KMT2C: variants seen among roughly 807,000 people sequenced by gnomAD.
KMT2C encodes the protein histone-lysine N-methyltransferase 2C.
KMT2C carries 88 observed loss-of-function variants against 507.9 expected under a neutral mutation model. That is an observed-to-expected ratio of 0.17 (90% CI 0.15 to 0.21). KMT2C has a LOEUF of 0.21. KMT2C is among the 10% of genes least tolerant of loss of function. KMT2C has a pLI of 1.00. For missense variants in KMT2C, 4,954 were observed against 5,957.8 expected, an observed-to-expected ratio of 0.83 and a Z score of 5.55; for synonymous variants, 2,049 against 2,080.8, an observed-to-expected ratio of 0.98 and a Z score of 0.42.
chr7:152,153,087 G>A, intron 48 of KMT2C, 133 bp from the exon 49 acceptor site: 2 of 1,188,580 alleles, frequency 1.7e-6, no homozygotes, highest in Non-Finnish European at 2.3e-6. Flanking sequence ...ATTTTATTTA[G>A]ACTTAAAGAA....
chr7:152,311,182 T>C (rs570050148), intron 5 of KMT2C, among the ~76,000 whole-genome samples: 129 of 152,302 alleles, frequency 8.5e-4, no homozygotes, highest in Non-Finnish European at 1.4e-3. Flanking sequence ...TTTGTTGAGG[T>C]GATATACAAA....
chr7:152,267,626 C>G (rs2095879101), intron 7 of KMT2C, among the ~76,000 whole-genome samples: 1 of 152,250 alleles, frequency 6.6e-6, no homozygotes, highest in South Asian at 2.1e-4. Context: ...GTCTCGCTAA[C>G]TGCAGTATCT....
intron 43 of KMT2C, among the ~76,000 whole-genome samples, chr7:152,160,960 T>C (rs1419798377): frequency 6.6e-6 from 1 of 152,058 alleles, no homozygotes; most frequent in East Asian, 1.9e-4. Flanking sequence ...AAGAACTGCA[T>C]TTCAAAAGAT....
At chr7:152,256,611 A>C (rs2095666128) in intron 9 of KMT2C, among the ~76,000 whole-genome samples, 1 of 152,214 alleles carries the variant, frequency 6.6e-6, no homozygotes, top group Non-Finnish European at 1.5e-5. Context: ...AAGTATCTGC[A>C]TCATGTAACA....
intron 1 of KMT2C, among the ~76,000 whole-genome samples, chr7:152,364,934 G>GACAC (rs71198778): frequency 0.029 from 3,981 of 138,108 alleles, 67 homozygotes; most frequent in South Asian, 0.046. Flanking sequence ...GAAACAGACA[G>GACAC]ACACACACAC....
chr7:152,143,319 G>C (rs1440204055), intron 55 of KMT2C, among the ~76,000 whole-genome samples: 1 of 152,196 alleles, frequency 6.6e-6, no homozygotes, highest in African/African-American at 2.4e-5. Context: ...TCTAAAAATA[G>C]ACAAGAAAGA....
intron 1 of KMT2C, among the ~76,000 whole-genome samples, chr7:152,411,935 T>C (rs2097688775): frequency 6.6e-6 from 1 of 152,118 alleles, no homozygotes; most frequent in Non-Finnish European, 1.5e-5. Context: ...ATTAACCAAC[T>C]AAAATGATCT....
chr7:152,182,625 A>G, intron 35 of KMT2C, 31 bp from the exon 36 acceptor site: 1 of 1,515,092 alleles, frequency 6.6e-7, no homozygotes, highest in Non-Finnish European at 8.8e-7. Flanking sequence ...AAGCAATCAT[A>G]TTTAGGTTAA....
At chr7:152,246,525 A>G (rs73481059) in intron 14 of KMT2C, among the ~76,000 whole-genome samples, 1 of 152,098 alleles carries the variant, frequency 6.6e-6, no homozygotes, top group Admixed American at 6.5e-5. Flanking sequence ...ACAAAAGTCT[A>G]CAAGGAAGGA....
intron 23 of KMT2C, among the ~76,000 whole-genome samples, chr7:152,219,230 A>T (rs1337286044): frequency 6.6e-6 from 1 of 152,136 alleles, no homozygotes; most frequent in Admixed American, 6.6e-5. Context: ...TCGGCCTCCC[A>T]AAGTGCTGAG....
chr7:152,157,839 A>G (rs2092172533), intron 44 of KMT2C: 1 of 1,334,002 alleles, frequency 7.5e-7, no homozygotes, highest in South Asian at 1.2e-5. Context: ...GTCGATTCCC[A>G]CTATTAAATT....
chr7:152,199,472 A>G lies in KMT2C; in HGVS notation c.4093-13T>C, dbSNP rs2129133216. The G allele has an allele frequency of 2.7e-6, 4 of 1,499,842 alleles. No individual in the cohort carries two copies. In the Middle Eastern group the frequency reaches 7.1e-4, roughly 266 times the overall value. 92.9% of individuals were successfully genotyped at this position (1,499,842 alleles called of 1,614,324 possible). On this transcript the variant is annotated splice_polypyrimidine_tract_variant and intron_variant, in intron 26 of 58. Coordinates refer to ENST00000262189, the MANE Select transcript of KMT2C (RefSeq NM_170606.3). ...CAAAGAAAGCTTCCTAGATGAAGAT[A>G]AGCACATACAAAAATGGTTAGAAAA... is the stretch of plus-strand genomic sequence containing the variant.
intron 6 of KMT2C, among the ~76,000 whole-genome samples, chr7:152,284,962 C>T (rs10224793): frequency 0.34 from 50,619 of 150,482 alleles, 12,289 homozygotes; most frequent in African/African-American, 0.7. Context: ...TCTCTAGAAA[C>T]GGAGAAGTAT....
chr7:152,428,565 A>T (rs2097842792), intron 1 of KMT2C, among the ~76,000 whole-genome samples: 1 of 151,160 alleles, frequency 6.6e-6, no homozygotes, highest in Non-Finnish European at 1.5e-5. Flanking sequence ...CGGGAGGCAG[A>T]GGTTGCAGTG....
intron 2 of KMT2C, among the ~76,000 whole-genome samples, chr7:152,334,870 T>C (rs899915591): frequency 2.0e-5 from 3 of 152,186 alleles, no homozygotes; most frequent in African/African-American, 7.2e-5. Context: ...GAAGATCAAT[T>C]TGTTTTATTT....
At chr7:152,196,733 C>CA (rs1406410875) in intron 27 of KMT2C, among the ~76,000 whole-genome samples, 1 of 152,110 alleles carries the variant, frequency 6.6e-6, no homozygotes, top group African/African-American at 2.4e-5. Flanking sequence ...TTGTATTAGA[C>CA]AGAGTGGTCT....
intron 6 of KMT2C, among the ~76,000 whole-genome samples, chr7:152,278,318 T>C (rs1322022994): frequency 2.6e-5 from 4 of 152,178 alleles, no homozygotes; most frequent in African/African-American, 9.7e-5. Context: ...TTTCACTCTG[T>C]TGCCCAGGCT....
At position 152,163,749 on chromosome 7, in the gene KMT2C, G is replaced by A; in HGVS notation, c.9828C>T (p.Ala3276=). ...GGACACTGGGCATCATGGTAGGTGG[G>A]GCCATTGCACATTGCTGCTGCTGTT... ...RIKQQQQCAM[A]PPTMMPSVQP... is the part of the protein sequence containing the mutation. The change falls in exon 43 of 59, where the codon GCC becomes GCT. Residue 3276 remains alanine (A), a synonymous_variant. Coordinates refer to ENST00000262189, the MANE Select transcript of KMT2C (RefSeq NM_170606.3). 1.2e-6 allele frequency: 2 copies of A among 1,614,158 alleles called. No homozygotes were observed. Among genetic ancestry groups the A allele is most frequent in the Non-Finnish European group, 8.5e-7 (1 of 1,180,030 alleles).
intron 23 of KMT2C, among the ~76,000 whole-genome samples, chr7:152,217,388 G>C (rs945801771): frequency 1.3e-5 from 2 of 152,082 alleles, no homozygotes; most frequent in Non-Finnish European, 2.9e-5. Flanking sequence ...TTTTAAAAGG[G>C]ATTTTTATTT....
Sources: allele counts gnomAD v4.1 joint callset (sites outside exome capture counted in the v4.1 genomes callset), GRCh38; gene constraint gnomAD v4.1.1; transcripts MANE v1.5; gene names NCBI Gene and HGNC (gene_info 2026-07-23, HGNC 2026-07-21).